TMC1: variants seen among roughly 807,000 people sequenced by gnomAD.
TMC1 encodes the protein transmembrane channel like 1.
Under a neutral mutation model 105.8 loss-of-function variants are expected in TMC1, and 84 were observed. That is an observed-to-expected ratio of 0.79 (90% CI 0.67 to 0.95). The LOEUF is 0.95. Ranked by LOEUF, TMC1 falls within the 40% of genes least tolerant of loss-of-function variation. The pLI is 0.00. For missense variants in TMC1, 817 were observed against 914.1 expected (o/e 0.89, Z 1.37); for synonymous variants, 315 against 311.5 (o/e 1.01, Z -0.12).
chr9:72,635,919 G>A (rs1825526218), intron 4 of TMC1, among the ~76,000 whole-genome samples: 1 of 152,102 alleles, frequency 6.6e-6, no homozygotes, highest in Non-Finnish European at 1.5e-5. Flanking sequence ...CCTTTCTATG[G>A]CCATTGAACT....
intron 4 of TMC1, among the ~76,000 whole-genome samples, chr9:72,637,384 C>T (rs1426675041): frequency 6.6e-6 from 1 of 152,018 alleles, no homozygotes; most frequent in Non-Finnish European, 1.5e-5. Flanking sequence ...TGAATCCTCC[C>T]CATGGCTCTC....
chr9:72,599,947 G>A (rs1824780575), intron 2 of TMC1, among the ~76,000 whole-genome samples: 1 of 152,202 alleles, frequency 6.6e-6, no homozygotes, highest in Non-Finnish European at 1.5e-5. Context: ...TACTGCAAGA[G>A]ATATGAACAC....
chr9:72,669,228 G>A (rs922209851), intron 5 of TMC1, among the ~76,000 whole-genome samples: 1 of 152,186 alleles, frequency 6.6e-6, no homozygotes, highest in Non-Finnish European at 1.5e-5. Context: ...AGGATCGCTT[G>A]AACCTGGGAG....
chr9:72,655,477 TC>T (rs2132156119), intron 5 of TMC1, among the ~76,000 whole-genome samples: 1 of 152,294 alleles, frequency 6.6e-6, no homozygotes, highest in African/African-American at 2.4e-5. Flanking sequence ...TTTCTGACTC[TC>T]CCTTCTGGGA....
chr9:72,536,170 C>G (rs1732262059), intron 1 of TMC1, among the ~76,000 whole-genome samples: 1 of 152,192 alleles, frequency 6.6e-6, no homozygotes, highest in South Asian at 2.1e-4. Flanking sequence ...CGACTCAAGG[C>G]AACTTCTTTA....
At chr9:72,634,817 T>C (rs1825506009) in intron 4 of TMC1, among the ~76,000 whole-genome samples, 1 of 152,164 alleles carries the variant, frequency 6.6e-6, no homozygotes, top group South Asian at 2.1e-4. Context: ...CAGTTTACTT[T>C]AAAAGGAAAT....
At chr9:72,808,497 CTCT>C (rs1308383889) in intron 18 of TMC1, among the ~76,000 whole-genome samples, 1 of 152,188 alleles carries the variant, frequency 6.6e-6, no homozygotes, top group African/African-American at 2.4e-5. Context: ...TTTGACATTA[CTCT>C]TGTAAAATGT....
intron 1 of TMC1, among the ~76,000 whole-genome samples, chr9:72,564,091 C>T (rs1400539951): frequency 6.6e-6 from 1 of 151,974 alleles, no homozygotes; most frequent in Non-Finnish European, 1.5e-5. Context: ...GAAGAAACTT[C>T]AAGAGTTTTA....
At chr9:72,592,547 C>T (rs1027816822) in intron 2 of TMC1, among the ~76,000 whole-genome samples, 1 of 152,178 alleles carries the variant, frequency 6.6e-6, no homozygotes, top group Non-Finnish European at 1.5e-5. Context: ...CCCTACTTCT[C>T]CTTTGGGTCC....
chr9:72,656,458 A>G (rs1825886542), intron 5 of TMC1, among the ~76,000 whole-genome samples: 1 of 151,840 alleles, frequency 6.6e-6, no homozygotes, highest in Admixed American at 6.6e-5. Context: ...TGTATTTTCT[A>G]TCTGCAGAGT....
chr9:72,679,981 A>G (rs992192995), intron 5 of TMC1, among the ~76,000 whole-genome samples: 7 of 136,068 alleles, frequency 5.1e-5, no homozygotes, highest in African/African-American at 2.1e-4. Context: ...TGAGGCTAAC[A>G]TGACCCTTTG....
chr9:72,657,274 C>A (rs1825899660), intron 5 of TMC1, among the ~76,000 whole-genome samples: 1 of 152,210 alleles, frequency 6.6e-6, no homozygotes, highest in Non-Finnish European at 1.5e-5. Flanking sequence ...GCAAAAAGAT[C>A]AGGCAACATC....
intron 1 of TMC1, among the ~76,000 whole-genome samples, chr9:72,525,201 A>G (rs557508860): frequency 6.6e-6 from 1 of 152,280 alleles, no homozygotes; most frequent in African/African-American, 2.4e-5. Context: ...GAGAGGTTAC[A>G]TTTTGCATAG....
chr9:72,547,173 G>T (rs1026783009), intron 1 of TMC1, among the ~76,000 whole-genome samples: 2 of 151,830 alleles, frequency 1.3e-5, no homozygotes, highest in African/African-American at 4.8e-5. Context: ...TGTAATCCCA[G>T]CTACTCAGGA....
chr9:72,633,247 T>C (rs1003006771), intron 4 of TMC1, among the ~76,000 whole-genome samples: 2 of 152,258 alleles, frequency 1.3e-5, no homozygotes, highest in Admixed American at 6.5e-5. Context: ...TCTGTGTTCA[T>C]GGTGTAGAAA....
At chr9:72,624,115 T>C (rs188663778) in intron 3 of TMC1, among the ~76,000 whole-genome samples, 1 of 152,308 alleles carries the variant, frequency 6.6e-6, no homozygotes, top group East Asian at 1.9e-4. Context: ...GGTCTTGGCA[T>C]CAGATTCCGT....
At chr9:72,775,165 C>T (rs574371345) in intron 13 of TMC1, among the ~76,000 whole-genome samples, 1 of 152,202 alleles carries the variant, frequency 6.6e-6, no homozygotes, top group African/African-American at 2.4e-5. Context: ...ATTTGAGAAC[C>T]TTTCAGTCCC....
At chr9:72,792,740 C>T (rs1168374615) in intron 17 of TMC1, among the ~76,000 whole-genome samples, 2 of 152,010 alleles carry the variant, frequency 1.3e-5, no homozygotes, top group Non-Finnish European at 2.9e-5. Flanking sequence ...AACAAACAAA[C>T]AAAAACAGAG....
intron 1 of TMC1, among the ~76,000 whole-genome samples, chr9:72,533,761 C>T (rs1193950633): frequency 6.6e-6 from 1 of 152,146 alleles, no homozygotes; most frequent in Non-Finnish European, 1.5e-5. Context: ...TGGTTTCATG[C>T]GTTTCTCTCT....
Sources: gnomAD v4.1 joint callset for allele counts (sites outside exome capture counted in the v4.1 genomes callset) on GRCh38, gnomAD v4.1.1 for gene constraint, MANE v1.5 for transcripts, NCBI Gene and HGNC (gene_info 2026-07-23, HGNC 2026-07-21) for gene names.